The following LMBRD1 variants were observed in gnomAD, a reference collection of about 807,000 sequenced individuals.
LMBRD1 encodes lysosomal cobalamin transport escort protein LMBD1.
Under a neutral mutation model 74.8 loss-of-function variants are expected in LMBRD1, and 64 were observed. That is an observed-to-expected ratio of 0.86 (90% CI 0.70 to 1.05). LMBRD1 has a LOEUF of 1.05. Among genes scored for constraint, LMBRD1 ranks in the 50% least tolerant of loss-of-function variants. LMBRD1 has a pLI of 0.00. For missense variants in LMBRD1, 652 were observed against 645.9 expected (o/e 1.01, Z -0.10); for synonymous variants, 204 against 216.3 (o/e 0.94, Z 0.50).
Position 69,790,471 on chromosome 6 carries a change from G to A in LMBRD1, c.71C>T (p.Ala24Val). 6.2e-7 allele frequency: 1 copy of A among 1,613,662 alleles called. No homozygotes were observed. The highest frequency in any genetic ancestry group is 8.5e-7 in the Non-Finnish European group (1 of 1,179,666). ...GWCIFGLLLL[A>V]ILAFCWIYVR... is the part of the protein sequence containing the mutation. ...ATATATCCAGCAGAATGCCAAAATA[G>A]CCTGAAATAGAACAAAAAGAGATGT... Residue 24 changes from alanine to valine, a missense_variant and splice_region_variant, in exon 2 of 16, where the codon GCT (alanine) becomes GTT (valine). Ala to Val is a moderately conservative substitution (Grantham distance 64). Coordinates refer to ENST00000649934, the MANE Select transcript of LMBRD1 (RefSeq NM_018368.4).
chr6:69,785,690 C>T (rs1294201718), intron 2 of LMBRD1, among the ~76,000 whole-genome samples: 1 of 152,200 alleles, frequency 6.6e-6, no homozygotes, highest in Non-Finnish European at 1.5e-5. Context: ...CTACTAGCAC[C>T]ACTCTAGCCC....
intron 3 of LMBRD1, among the ~76,000 whole-genome samples, chr6:69,777,110 T>C (rs1296688078): frequency 3.3e-5 from 5 of 151,142 alleles, no homozygotes; most frequent in Non-Finnish European, 7.4e-5. Context: ...ATTGTGCCAC[T>C]GCACTCTAGC....
chr6:69,708,958 G>A (rs1766321189), intron 9 of LMBRD1, among the ~76,000 whole-genome samples: 1 of 152,126 alleles, frequency 6.6e-6, no homozygotes, highest in Non-Finnish European at 1.5e-5. Flanking sequence ...AAATGAGCTG[G>A]GCGTAGTGGC....
At chr6:69,762,923 G>A (rs1308047474) in intron 3 of LMBRD1, among the ~76,000 whole-genome samples, 3 of 152,248 alleles carry the variant, frequency 2.0e-5, no homozygotes, top group Admixed American at 1.3e-4. Context: ...TTATTGATTA[G>A]GTCACCCAGT....
At chr6:69,743,623 G>A (rs1052569831) in intron 5 of LMBRD1, among the ~76,000 whole-genome samples, 1 of 152,142 alleles carries the variant, frequency 6.6e-6, no homozygotes, top group African/African-American at 2.4e-5. Context: ...TAGTATTTTA[G>A]GTATAAACGA....
intron 1 of LMBRD1, among the ~76,000 whole-genome samples, chr6:69,795,205 C>G (rs946218759): frequency 6.6e-6 from 1 of 152,194 alleles, no homozygotes; most frequent in East Asian, 1.9e-4. Context: ...GTCCTTCTTC[C>G]TAATGCTTTT....
At chr6:69,699,720 A>G (rs200800428) in intron 12 of LMBRD1, among the ~76,000 whole-genome samples, 3 of 151,870 alleles carry the variant, frequency 2.0e-5, no homozygotes, top group Non-Finnish European at 4.4e-5. Flanking sequence ...GAACCAGGTA[A>G]CTTGCTTCAT....
At chr6:69,773,088 T>C (rs1214565936) in intron 3 of LMBRD1, among the ~76,000 whole-genome samples, 2 of 152,168 alleles carry the variant, frequency 1.3e-5, no homozygotes, top group Non-Finnish European at 2.9e-5. Flanking sequence ...TTGTAAACCC[T>C]ACTATGATTT....
At chr6:69,758,179 T>A (rs1765306771) in intron 3 of LMBRD1, among the ~76,000 whole-genome samples, 1 of 152,198 alleles carries the variant, frequency 6.6e-6, no homozygotes, top group Non-Finnish European at 1.5e-5. Flanking sequence ...ACTTTTAAAT[T>A]GTTAAAAATT....
chr6:69,706,128 G>C, intron 9 of LMBRD1: 3 of 574,228 alleles, frequency 5.2e-6, no homozygotes, highest in Non-Finnish European at 9.8e-6. Context: ...AGGGCCTCCG[G>C]GGGTTTATGT....
At chr6:69,678,372 G>A (rs961260594) in intron 14 of LMBRD1, among the ~76,000 whole-genome samples, 3 of 152,010 alleles carry the variant, frequency 2.0e-5, no homozygotes, top group African/African-American at 7.2e-5. Context: ...TCAAGTGGCA[G>A]AGGTGGAAGA....
chr6:69,761,902 T>C (rs1173524458), intron 3 of LMBRD1, among the ~76,000 whole-genome samples: 1 of 152,232 alleles, frequency 6.6e-6, no homozygotes, highest in African/African-American at 2.4e-5. Flanking sequence ...GTCTTCTGCA[T>C]CTGGCTTCCT....
chr6:69,781,132 T>C (rs1429076713), intron 2 of LMBRD1, among the ~76,000 whole-genome samples: 1 of 152,202 alleles, frequency 6.6e-6, no homozygotes, highest in Non-Finnish European at 1.5e-5. Flanking sequence ...GAGCATATTA[T>C]ACATTTTTTT....
At chr6:69,676,406 T>G in intron 15 of LMBRD1, 44 bp downstream of exon 15, 3 of 1,590,746 alleles carry the variant, frequency 1.9e-6, no homozygotes, top group Non-Finnish European at 1.7e-6. Flanking sequence ...TTAACTATAA[T>G]TTATAAAGGA....
At position 69,769,517 on chromosome 6, in the gene LMBRD1, T is replaced by C. The variant is rs1765535434; in HGVS notation, c.307+10977A>G. ...CTGTTTCCACTATATGCTGTTTTCCTTAGCATTGTTCATGTTTTCCTATTT... is the reference window on the plus strand; with the variant it reads ...CTGTTTCCACTATATGCTGTTTTCCCTAGCATTGTTCATGTTTTCCTATTT... On this transcript the variant is annotated intron_variant, in intron 3 of 15. Transcript: ENST00000649934. 2.6e-5 allele frequency among the ~76,000 whole-genome samples: 4 copies of C among 152,164 alleles called. No homozygotes were observed. The South Asian group carries it at 8.3e-4, about 32-fold the overall frequency.
At chr6:69,782,368 G>A (rs188186227) in intron 2 of LMBRD1, among the ~76,000 whole-genome samples, 1 of 152,316 alleles carries the variant, frequency 6.6e-6, no homozygotes, top group East Asian at 1.9e-4. Context: ...CTAGCATTCA[G>A]TGAACTACTT....
chr6:69,692,273 G>GCTCT (rs138071564), intron 14 of LMBRD1, among the ~76,000 whole-genome samples: 270 of 120,476 alleles, frequency 2.2e-3, no homozygotes, highest in Non-Finnish European at 3.2e-3. Context: ...TTTAAGGTGC[G>GCTCT]CTCTCTCTCT....
intron 6 of LMBRD1, among the ~76,000 whole-genome samples, chr6:69,738,803 G>T (rs1767032085): frequency 6.6e-6 from 1 of 151,932 alleles, no homozygotes; most frequent in Non-Finnish European, 1.5e-5. Context: ...GTCCTATTAG[G>T]CCTGTATTGA....
Position 69,701,932 on chromosome 6 carries a change from T to C in LMBRD1, c.937A>G (p.Ile313Val). ...ATTACAAACAGCAATGCAACTAAGA[T>C]GAAAAATATTCCCCAGACGATCTAA... ...PLKIVWGIFF[I>V]LVALLFVISL... is the part of the protein sequence containing the mutation. Residue 313 changes from isoleucine to valine, a missense_variant, in exon 10 of 16, where the codon ATC (isoleucine) becomes GTC (valine). Physicochemically the swap from Ile to Val is conservative, Grantham distance 29. This residue lies in a region of LMBRD1 where 598 missense variants were observed against 581.8 expected (regional missense o/e 1.03). Transcript: ENST00000649934. 1.2e-6 allele frequency: 2 copies of C among 1,601,560 alleles called. No homozygotes were observed. Among genetic ancestry groups the C allele is most frequent in the Non-Finnish European group, 1.7e-6 (2 of 1,169,488 alleles).
Sources: allele counts gnomAD v4.1 joint callset (sites outside exome capture counted in the v4.1 genomes callset), GRCh38; gene constraint gnomAD v4.1.1; regional missense constraint gnomAD v4.1.1; transcripts MANE v1.5; gene names NCBI Gene and HGNC (gene_info 2026-07-23, HGNC 2026-07-21).